The following KYAT1 variants were observed in gnomAD, a reference collection of about 807,000 sequenced individuals.
KYAT1 encodes kynurenine aminotransferase 1.
A neutral mutation model predicts 52.4 loss-of-function variants in KYAT1; 47 were observed. The observed-to-expected ratio is 0.90, with a 90% CI of 0.71 to 1.14. KYAT1 has a LOEUF of 1.14. KYAT1 is among the 50% of genes most tolerant of loss of function. The pLI, the probability that KYAT1 is intolerant of heterozygous loss-of-function variation, is 0.00. For missense variants in KYAT1, 480 were observed against 557.9 expected, an observed-to-expected ratio of 0.86 and a Z score of 1.41; for synonymous variants, 212 against 209.6, an observed-to-expected ratio of 1.01 and a Z score of -0.10.
chr9:128,842,621 C>T (rs1589653442), intron 3 of KYAT1, 33 bp downstream of exon 3: 3 of 1,604,262 alleles, frequency 1.9e-6, no homozygotes, highest in Non-Finnish European at 2.6e-6. Context: ...CCCTTCCTCC[C>T]CCAGTGCCTC....
intron 5 of KYAT1, 88 bp from the exon 6 acceptor site, chr9:128,837,901 G>C (rs1220398749): frequency 3.8e-5 from 58 of 1,536,394 alleles, no homozygotes; most frequent in Non-Finnish European, 4.9e-5. Context: ...TCTCTCCCCT[G>C]GGATCCCAAC....
intron 1 of KYAT1, chr9:128,860,588 C>T (rs1464671900): frequency 1.5e-5 from 2 of 137,234 alleles, no homozygotes; most frequent in African/African-American, 2.7e-5. Flanking sequence ...TTTTTTGAAA[C>T]GGAGTCTTGC....
intron 1 of KYAT1, among the ~76,000 whole-genome samples, chr9:128,866,034 C>T (rs1363183136): frequency 6.6e-6 from 1 of 152,182 alleles, no homozygotes. Flanking sequence ...CAACATCTTG[C>T]ACAGAGCCTG....
rs369761548 is a variant in KYAT1 at position 128,835,643 on chromosome 9, G to A, written c.880C>T (p.Arg294Trp). The change falls in exon 10 of 13, where the codon CGG becomes TGG. Residue 294 changes from arginine (R) to tryptophan (W), a missense_variant. Coordinates refer to ENST00000302586, the MANE Select transcript of KYAT1 (RefSeq NM_004059.5). ...SQAAVAESFE[R>W]EQLLFRQPSS... is the part of the protein sequence containing the mutation. ...GGTTGGCGGAAGAGCAGCTGCTCCC[G>A]TTCAAAGCTCTCGGCTACTGCAGCC... 3.7e-6 allele frequency: 6 copies of A among 1,610,672 alleles called. No homozygotes were observed. The highest frequency in any genetic ancestry group is 1.6e-4 in the Middle Eastern group (1 of 6,080).
At chr9:128,846,199 C>T (rs1454869025) in intron 1 of KYAT1, among the ~76,000 whole-genome samples, 3 of 152,276 alleles carry the variant, frequency 2.0e-5, no homozygotes, top group African/African-American at 4.8e-5. Flanking sequence ...GAGGCTGAGG[C>T]GGGCAGATCA....
intron 1 of KYAT1, among the ~76,000 whole-genome samples, chr9:128,864,365 C>CAAAA (rs35129459): frequency 6.7e-5 from 5 of 75,124 alleles, no homozygotes; most frequent in Admixed American, 1.7e-4. Context: ...GACTCTGTCT[C>CAAAA]AAAAAAAAAA....
intron 7 of KYAT1, 150 bp from the exon 8 acceptor site, chr9:128,836,223 T>C (rs1359292139): frequency 2.2e-5 from 12 of 551,502 alleles, no homozygotes; most frequent in Admixed American, 1.5e-4. Flanking sequence ...TTTCTTTCTT[T>C]CTTCCTTTCC....
intron 1 of KYAT1, among the ~76,000 whole-genome samples, chr9:128,855,616 A>T (rs1220835650): frequency 6.6e-6 from 1 of 152,250 alleles, no homozygotes; most frequent in Non-Finnish European, 1.5e-5. Context: ...TAACCTGTGA[A>T]AATTGTAGAT....
chr9:128,846,460 G>A (rs373619340), intron 1 of KYAT1, among the ~76,000 whole-genome samples: 2 of 151,632 alleles, frequency 1.3e-5, no homozygotes, highest in African/African-American at 4.8e-5. Context: ...TTATCTGGGC[G>A]TCATGACACA....
intron 1 of KYAT1, among the ~76,000 whole-genome samples, chr9:128,872,095 G>T (rs143552241): frequency 0.083 from 12,200 of 146,116 alleles, 771 homozygotes; most frequent in African/African-American, 0.18. Context: ...GCCACTGCAC[G>T]GCAGCCTGGG....
intron 2 of KYAT1, among the ~76,000 whole-genome samples, chr9:128,843,911 A>G (rs2759010): frequency 0.99 from 151,508 of 152,344 alleles, 75,342 homozygotes; most frequent in Middle Eastern, 1. Context: ...TGTGAGGCAC[A>G]TCTTGTTCCT....
At chr9:128,879,381 T>A (rs1838493214) in intron 1 of KYAT1, among the ~76,000 whole-genome samples, 1 of 152,046 alleles carries the variant, frequency 6.6e-6, no homozygotes, top group Admixed American at 6.5e-5. Context: ...CCAGGTCTGT[T>A]CTGGCAGGAG....
intron 3 of KYAT1, among the ~76,000 whole-genome samples, chr9:128,841,047 C>A (rs2119065858): frequency 6.6e-6 from 1 of 152,342 alleles, no homozygotes; most frequent in East Asian, 1.9e-4. Flanking sequence ...TATGGCACAT[C>A]CAGGCAACAG....
At chr9:128,881,287 T>G (rs935611099) in intron 1 of KYAT1, among the ~76,000 whole-genome samples, 8 of 152,012 alleles carry the variant, frequency 5.3e-5, no homozygotes, top group Non-Finnish European at 1.2e-4. Flanking sequence ...TTCACCAAGT[T>G]AGCCAGGATG....
At chr9:128,867,516 A>G (rs1026220898) in intron 1 of KYAT1, among the ~76,000 whole-genome samples, 2 of 152,148 alleles carry the variant, frequency 1.3e-5, no homozygotes, top group African/African-American at 2.4e-5. Flanking sequence ...ACACGTATAT[A>G]CAAAAATATA....
At chr9:128,845,579 A>G (rs1832967472) in intron 1 of KYAT1, 168 bp from the exon 2 acceptor site, 2 of 638,764 alleles carry the variant, frequency 3.1e-6, no homozygotes. Flanking sequence ...CTGCCTCCCA[A>G]GCCTGTTATG....
At chr9:128,850,811 A>AG (rs1833854905) in intron 1 of KYAT1, among the ~76,000 whole-genome samples, 1 of 152,216 alleles carries the variant, frequency 6.6e-6, no homozygotes, top group Non-Finnish European at 1.5e-5. Flanking sequence ...CTGAGATAGG[A>AG]GAAAAACCAC....
chr9:128,864,316 A>C (rs1381403013), intron 1 of KYAT1, among the ~76,000 whole-genome samples: 4 of 142,270 alleles, frequency 2.8e-5, no homozygotes, highest in Non-Finnish European at 6.1e-5. Context: ...TAGTGAGCCG[A>C]GATTGCGCCA....
At chr9:128,879,233 C>G (rs546949766) in intron 1 of KYAT1, among the ~76,000 whole-genome samples, 1 of 152,186 alleles carries the variant, frequency 6.6e-6, no homozygotes, top group East Asian at 1.9e-4. Flanking sequence ...TGGAGTGAAC[C>G]CGGGAGGTGG....
Sources: allele counts gnomAD v4.1 joint callset (sites outside exome capture counted in the v4.1 genomes callset), GRCh38; gene constraint gnomAD v4.1.1; transcripts MANE v1.5; gene names NCBI Gene and HGNC (gene_info 2026-07-23, HGNC 2026-07-21).